Variants in THSD7B observed in about 807,000 individuals in gnomAD.
THSD7B encodes the protein thrombospondin type 1 domain containing 7B, also known as thrombospondin type-1 domain-containing protein 7B.
In THSD7B, 138 loss-of-function variants were observed where a neutral mutation model predicts 213.6. The ratio of observed to expected loss-of-function variants is 0.65; its 90% CI spans 0.56 to 0.74. The LOEUF (loss-of-function observed/expected upper bound fraction) is 0.74. THSD7B is among the 30% of genes least tolerant of loss of function. The pLI is 0.00. For synonymous variants in THSD7B, 742 were observed against 687.0 expected (o/e 1.08, Z -1.25); for missense variants, 1,931 against 1,991.5 (o/e 0.97, Z 0.58).
intron 12 of THSD7B, among the ~76,000 whole-genome samples, chr2:137,351,927 A>G (rs995204447): frequency 2.6e-5 from 4 of 151,966 alleles, no homozygotes; most frequent in South Asian, 2.1e-4. Flanking sequence ...GCAAAAATTC[A>G]TAGATTTTCT....
chr2:136,963,036 A>G (rs1057241044), intron 2 of THSD7B, among the ~76,000 whole-genome samples: 1 of 152,202 alleles, frequency 6.6e-6, no homozygotes, highest in Non-Finnish European at 1.5e-5. Flanking sequence ...TCTACATATC[A>G]TATCTCAGAG....
At chr2:137,016,117 T>C (rs1329530009) in intron 2 of THSD7B, among the ~76,000 whole-genome samples, 1 of 152,166 alleles carries the variant, frequency 6.6e-6, no homozygotes. Flanking sequence ...TTGCATTTCA[T>C]CCTCACAAGA....
chr2:137,105,330 A>T (rs1479800454), intron 4 of THSD7B, among the ~76,000 whole-genome samples: 1 of 152,222 alleles, frequency 6.6e-6, no homozygotes. Context: ...AGATAGACGC[A>T]GAAAAGCCCT....
intron 15 of THSD7B, chr2:137,479,515 T>C (rs1213334674): frequency 7.4e-6 from 3 of 405,576 alleles, no homozygotes; most frequent in Non-Finnish European, 1.0e-5. Context: ...GAAAGTGGGG[T>C]TCCTTTCGCT....
At position 137,130,875 on chromosome 2, in the gene THSD7B, G is replaced by A. The variant is rs1181196868; in HGVS notation, c.1369+15582G>A. Among the ~76,000 whole-genome samples the A allele has an allele frequency of 3.3e-4, 49 of 148,594 alleles. No individual in the cohort carries two copies. In the South Asian group the frequency reaches 7.4e-3, roughly 22 times the overall value. ...TGTCTTTATAGCAGCATGATTTATA[G>A]TCCTTTGGGTATATACCCAGTAATG... On this transcript the variant is annotated intron_variant, in intron 5 of 27. Coordinates refer to ENST00000409968, the MANE Select transcript of THSD7B (RefSeq NM_001316349.2).
intron 17 of THSD7B, among the ~76,000 whole-genome samples, chr2:137,584,920 C>G (rs1681683768): frequency 6.6e-6 from 1 of 152,156 alleles, no homozygotes; most frequent in Non-Finnish European, 1.5e-5. Flanking sequence ...GGTACCAGCT[C>G]CTCCTTGTAC....
rs1026660463 is a variant in THSD7B at position 137,138,783 on chromosome 2, G to A, written c.1370-21430G>A. On this transcript the variant is annotated intron_variant, in intron 5 of 27. Coordinates refer to ENST00000409968, the MANE Select transcript of THSD7B (RefSeq NM_001316349.2). ...GTGTGGGAAACCACTGTATCTGAAA[G>A]TTTTGCAAATTTAAAGTATGTTTCT... Among the ~76,000 whole-genome samples, 4 of 152,256 alleles carry A rather than the reference G, an allele frequency of 2.6e-5. No homozygotes were observed. In the East Asian group the frequency reaches 5.8e-4, roughly 22 times the overall value.
chr2:137,421,064 T>TA (rs1686913624), intron 14 of THSD7B, among the ~76,000 whole-genome samples: 1 of 151,946 alleles, frequency 6.6e-6, no homozygotes, highest in Non-Finnish European at 1.5e-5. Flanking sequence ...TAAAAACACT[T>TA]ACGACTACCT....
intron 12 of THSD7B, among the ~76,000 whole-genome samples, chr2:137,380,981 G>A (rs1413212830): frequency 6.6e-6 from 1 of 152,246 alleles, no homozygotes; most frequent in Non-Finnish European, 1.5e-5. Context: ...CTCACACCCA[G>A]AGAGAGAGTA....
intron 3 of THSD7B, among the ~76,000 whole-genome samples, chr2:137,066,376 T>G (rs1687382174): frequency 6.6e-6 from 1 of 151,982 alleles, no homozygotes; most frequent in African/African-American, 2.4e-5. Context: ...GTATTTTTAG[T>G]AGAGACGGGG....
At chr2:137,325,797 G>A (rs1315654209) in intron 12 of THSD7B, among the ~76,000 whole-genome samples, 1 of 152,180 alleles carries the variant, frequency 6.6e-6, no homozygotes, top group African/African-American at 2.4e-5. Context: ...CTACTACGCA[G>A]AACTCAAGAC....
intron 4 of THSD7B, among the ~76,000 whole-genome samples, chr2:137,114,888 C>T (rs540918535): frequency 3.1e-4 from 47 of 152,240 alleles, no homozygotes; most frequent in African/African-American, 1.0e-3. Context: ...ATCCATATCA[C>T]GTTCCTTTAG....
intron 1 of THSD7B, among the ~76,000 whole-genome samples, chr2:136,873,816 C>A (rs1281694677): frequency 6.6e-6 from 1 of 152,154 alleles, no homozygotes; most frequent in Non-Finnish European, 1.5e-5. Context: ...TTATCAATGA[C>A]TGTCCTCCTC....
Position 137,160,321 on chromosome 2 carries a change from G to C in THSD7B, c.1478G>C (p.Trp493Ser). The part of the protein sequence containing the change: ...TDCIVSSWSA[W>S]GLCIHENCHD... ...TGCATAGTATCTTCCTGGTCAGCCT[G>C]GGGCCTGTGCATCCATGAAAACTGT... The change falls in exon 6 of 28, where the codon TGG becomes TCG. Residue 493 changes from tryptophan (W) to serine (S), a missense_variant. Coordinates refer to ENST00000409968, the MANE Select transcript of THSD7B (RefSeq NM_001316349.2). 1.9e-6 allele frequency: 3 copies of C among 1,613,520 alleles called. No individual in the cohort carries two copies. Among genetic ancestry groups the C allele is most frequent in the Non-Finnish European group, 2.5e-6 (3 of 1,179,652 alleles).
At chr2:137,518,443 T>G (rs1680115588) in intron 15 of THSD7B, among the ~76,000 whole-genome samples, 1 of 152,166 alleles carries the variant, frequency 6.6e-6, no homozygotes, top group Non-Finnish European at 1.5e-5. Context: ...ATTCATGGGC[T>G]GTAGCCAATG....
intron 12 of THSD7B, among the ~76,000 whole-genome samples, chr2:137,383,598 G>A (rs934790383): frequency 4.6e-5 from 7 of 152,296 alleles, no homozygotes; most frequent in South Asian, 2.1e-4. Flanking sequence ...ATGTAACCAC[G>A]CCATTTGAGG....
intron 17 of THSD7B, among the ~76,000 whole-genome samples, chr2:137,589,154 A>T (rs1466197118): frequency 6.6e-6 from 1 of 151,918 alleles, no homozygotes; most frequent in Non-Finnish European, 1.5e-5. Context: ...CTGCCATTTG[A>T]TTTTCTTTTC....
At chr2:136,782,215 G>A (rs1404122102) in intron 1 of THSD7B, among the ~76,000 whole-genome samples, 2 of 152,304 alleles carry the variant, frequency 1.3e-5, no homozygotes, top group South Asian at 4.2e-4. Context: ...TACCTGCGAT[G>A]TGTGCGGAAG....
At chr2:137,512,059 G>C (rs1679972732) in intron 15 of THSD7B, 1 of 152,024 alleles carries the variant, frequency 6.6e-6, no homozygotes, top group East Asian at 1.9e-4. Context: ...ATTGTTACCT[G>C]CCTTTTATCT....
Sources: allele counts gnomAD v4.1 joint callset (sites outside exome capture counted in the v4.1 genomes callset), GRCh38; gene constraint gnomAD v4.1.1; transcripts MANE v1.5; gene names NCBI Gene and HGNC (gene_info 2026-07-23, HGNC 2026-07-21).